Variants in NXPH2 observed in about 807,000 individuals in gnomAD.
NXPH2 encodes the protein neurexophilin 2, also known as neurexophilin-2.
A neutral mutation model predicts 19.8 loss-of-function variants in NXPH2; 5 were observed. The ratio of observed to expected loss-of-function variants is 0.25; its 90% CI spans 0.13 to 0.53. The LOEUF (loss-of-function observed/expected upper bound fraction) is 0.53. NXPH2 is among the 20% of genes least tolerant of loss of function. The pLI is 0.96. For missense variants in NXPH2, 289 were observed against 322.8 expected (o/e 0.90, Z 0.80); for synonymous variants, 154 against 127.4 (o/e 1.21, Z -1.41).
chr2:138,762,445 G>A (rs1038027960), intron 1 of NXPH2, among the ~76,000 whole-genome samples: 1 of 152,024 alleles, frequency 6.6e-6, no homozygotes, highest in Non-Finnish European at 1.5e-5. Flanking sequence ...AATATCTTGG[G>A]CACAGTTGTT....
intron 1 of NXPH2, among the ~76,000 whole-genome samples, chr2:138,768,193 T>C (rs1558933035): frequency 6.6e-6 from 1 of 152,204 alleles, no homozygotes; most frequent in Non-Finnish European, 1.5e-5. Context: ...CCAAGGTAAG[T>C]TGTTCTGTTT....
chr2:138,732,700 C>A (rs1312376131), intron 1 of NXPH2, among the ~76,000 whole-genome samples: 1 of 152,040 alleles, frequency 6.6e-6, no homozygotes, highest in South Asian at 2.1e-4. Flanking sequence ...GTTCCTCCTG[C>A]CAATATTCTG....
chr2:138,746,614 T>C (rs1013203508), intron 1 of NXPH2, among the ~76,000 whole-genome samples: 2 of 152,226 alleles, frequency 1.3e-5, no homozygotes, highest in African/African-American at 2.4e-5. Flanking sequence ...AGGAAGCTAA[T>C]ATTTCTTGTA....
intron 1 of NXPH2, among the ~76,000 whole-genome samples, chr2:138,718,403 A>G (rs945085680): frequency 1.3e-5 from 2 of 152,218 alleles, no homozygotes; most frequent in Non-Finnish European, 2.9e-5. Flanking sequence ...ACAAACAAAC[A>G]AACAAACAAA....
In NXPH2 at chr2:138,780,308, G is replaced by A. The variant is rs1047122069; in HGVS notation, c.-67C>T. ...CCTGCCTCTCGCGCATCTCCACTTC[G>A]CGGGGCAGGACTGAGGACGCCAGGG... is the stretch of plus-strand genomic sequence containing the variant. On this transcript the variant is annotated 5_prime_UTR_variant, in exon 1 of 2. Coordinates refer to ENST00000272641, the MANE Select transcript of NXPH2 (RefSeq NM_007226.3). 2.3e-6 allele frequency: 3 copies of A among 1,333,258 alleles called. No individual in the cohort carries two copies. Among genetic ancestry groups the A allele is most frequent in the African/African-American group, 3.1e-5 (2 of 64,332 alleles). The allele number at this position is 1,333,258 out of a possible 1,614,324, so 82.6% of individuals were successfully genotyped here.
chr2:138,717,972 C>A (rs950744593), intron 1 of NXPH2, among the ~76,000 whole-genome samples: 2 of 151,592 alleles, frequency 1.3e-5, no homozygotes, highest in Non-Finnish European at 2.9e-5. Flanking sequence ...TCTAGAAGCT[C>A]AAGCAAAGAA....
Position 138,670,143 on chromosome 2 carries a change from G to T in NXPH2, c.*779C>A, listed in dbSNP as rs1229253418. On this transcript the variant is annotated 3_prime_UTR_variant, in exon 2 of 2. Transcript: ENST00000272641. ...ATGCATACAAATTTTGTCATTTTTT[G>T]ATTAATTCCACAGCATTTGAATTTA... Among the ~76,000 whole-genome samples, 1 of 152,132 alleles carries T rather than the reference G, an allele frequency of 6.6e-6. No homozygotes were observed. The highest frequency in any genetic ancestry group is 2.1e-4 in the South Asian group (1 of 4,830).
chr2:138,715,378 T>A (rs1405605754), intron 1 of NXPH2, among the ~76,000 whole-genome samples: 1 of 152,260 alleles, frequency 6.6e-6, no homozygotes, highest in Non-Finnish European at 1.5e-5. Context: ...GGGAATTTTT[T>A]GAGCCCTTCC....
intron 1 of NXPH2, among the ~76,000 whole-genome samples, chr2:138,756,579 T>G (rs1432316329): frequency 1.3e-5 from 2 of 152,162 alleles, no homozygotes; most frequent in Non-Finnish European, 2.9e-5. Flanking sequence ...GAAAATCTCT[T>G]GCTCTTGGGA....
chr2:138,709,893 A>T (rs985610715), intron 1 of NXPH2, among the ~76,000 whole-genome samples: 1 of 152,142 alleles, frequency 6.6e-6, no homozygotes, highest in Non-Finnish European at 1.5e-5. Flanking sequence ...GATTTACCAC[A>T]ATTTATTTAT....
At chr2:138,777,055 C>T (rs1573987273) in intron 1 of NXPH2, among the ~76,000 whole-genome samples, 2 of 151,894 alleles carry the variant, frequency 1.3e-5, no homozygotes, top group African/African-American at 2.4e-5. Flanking sequence ...TTATCTTAAA[C>T]GTTAGCTAAT....
intron 1 of NXPH2, among the ~76,000 whole-genome samples, chr2:138,722,229 G>A (rs960882716): frequency 6.6e-6 from 1 of 152,204 alleles, no homozygotes; most frequent in African/African-American, 2.4e-5. Context: ...TTTATTTAAG[G>A]TGGTCAAGAA....
At position 138,719,929 on chromosome 2, in the gene NXPH2, T is replaced by TA. The variant is rs990135670; in HGVS notation, c.52-48265dup. On this transcript the variant is annotated intron_variant, in intron 1 of 1. Coordinates refer to ENST00000272641, the MANE Select transcript of NXPH2 (RefSeq NM_007226.3). ...TTTTTCTTGTGCAAATAGCTTTTTATAAAAAAATTATTACATTAACTTTAA... is the reference window on the plus strand; with the variant it reads ...TTTTTCTTGTGCAAATAGCTTTTTATAAAAAAAATTATTACATTAACTTTAA... 1.2e-3 allele frequency among the ~76,000 whole-genome samples: 186 copies of TA among 152,220 alleles called. 2 individuals are homozygous for TA. The highest frequency in any genetic ancestry group is 4.4e-3 in the African/African-American group (182 of 41,544).
intron 1 of NXPH2, among the ~76,000 whole-genome samples, chr2:138,734,976 T>A (rs73961525): frequency 0.032 from 4,903 of 152,176 alleles, 260 homozygotes; most frequent in African/African-American, 0.11. Flanking sequence ...AGTCTATAAG[T>A]AGTAATTAAA....
intron 1 of NXPH2, among the ~76,000 whole-genome samples, chr2:138,774,339 T>A (rs1211343167): frequency 6.6e-6 from 1 of 152,214 alleles, no homozygotes; most frequent in Non-Finnish European, 1.5e-5. Context: ...AAATTTTCCT[T>A]TTCCGTAAGC....
chr2:138,739,267 G>C (rs879360262), intron 1 of NXPH2, among the ~76,000 whole-genome samples: 2 of 152,178 alleles, frequency 1.3e-5, no homozygotes, highest in Non-Finnish European at 2.9e-5. Context: ...GCTCCAGGAA[G>C]AGAAAGAGAA....
chr2:138,684,314 CA>C (rs1456059887), intron 1 of NXPH2, among the ~76,000 whole-genome samples: 1 of 151,874 alleles, frequency 6.6e-6, no homozygotes, highest in African/African-American at 2.4e-5. Flanking sequence ...CAAAACAAAA[CA>C]AAAAGTCAAA....
chr2:138,743,887 T>C lies in NXPH2; in HGVS notation c.51+36304A>G, dbSNP rs532438553. Among the ~76,000 whole-genome samples, 6 of 151,084 alleles carry C rather than the reference T, an allele frequency of 4.0e-5. 1 individual carries two copies. The highest frequency in any genetic ancestry group is 2.0e-4 in the East Asian group (1 of 5,076). On this transcript the variant is annotated intron_variant, in intron 1 of 1. Coordinates refer to ENST00000272641, the MANE Select transcript of NXPH2 (RefSeq NM_007226.3). ...GCATGGTGGCATGCACCTGTAGTCATAGCTACTGGAGAGGCTGAGGCAGGA... is the reference window on the plus strand; with the variant it reads ...GCATGGTGGCATGCACCTGTAGTCACAGCTACTGGAGAGGCTGAGGCAGGA...
Position 138,670,718 on chromosome 2 carries a change from T to C in NXPH2, c.*204A>G, listed in dbSNP as rs1680400315. Reference sequence around the variant, plus strand: ...TGGTTTCATAAACAGTTTAACTTTTTAGATAAAGGTACCTACGATAGAAAG... The same window carrying C: ...TGGTTTCATAAACAGTTTAACTTTTCAGATAAAGGTACCTACGATAGAAAG... On this transcript the variant is annotated 3_prime_UTR_variant, in exon 2 of 2. Transcript: ENST00000272641. 1 of 486,710 alleles carries C rather than the reference T, an allele frequency of 2.1e-6. No homozygotes were observed. The highest frequency in any genetic ancestry group is 3.5e-6 in the Non-Finnish European group (1 of 282,094). The allele number at this position is 486,710 out of a possible 1,614,324, so 30.1% of individuals were successfully genotyped here.
Sources: allele counts gnomAD v4.1 joint callset (sites outside exome capture counted in the v4.1 genomes callset), GRCh38; gene constraint gnomAD v4.1.1; transcripts MANE v1.5; gene names NCBI Gene and HGNC (gene_info 2026-07-23, HGNC 2026-07-21).